Variants in FBN1 observed in about 807,000 individuals in gnomAD.
FBN1 encodes the protein fibrillin 1.
FBN1 carries 29 observed loss-of-function variants against 365.1 expected under a neutral mutation model. The ratio of observed to expected loss-of-function variants is 0.08; its 90% CI spans 0.06 to 0.11. The LOEUF is 0.11. FBN1 is among the 10% of genes least tolerant of loss of function. The pLI is 1.00. For missense variants in FBN1, 2,476 were observed against 3,703.2 expected (o/e 0.67, Z 8.60); for synonymous variants, 1,210 against 1,270.5 (o/e 0.95, Z 1.01).
intron 6 of FBN1, among the ~76,000 whole-genome samples, chr15:48,541,633 A>G (rs1178105762): frequency 6.6e-6 from 1 of 152,190 alleles, no homozygotes; most frequent in Non-Finnish European, 1.5e-5. Flanking sequence ...CCGCAGAAAG[A>G]AATCTGCCCA....
At chr15:48,494,343 G>A in intron 22 of FBN1, 89 bp from the exon 23 acceptor site, 1 of 965,736 alleles carries the variant, frequency 1.0e-6, no homozygotes, top group African/African-American at 1.6e-5. Flanking sequence ...TAAGAAACAT[G>A]AAAGATGACC....
intron 4 of FBN1, among the ~76,000 whole-genome samples, chr15:48,606,381 T>C (rs143250075): frequency 1.2e-4 from 19 of 152,318 alleles, no homozygotes; most frequent in Admixed American, 4.6e-4. Flanking sequence ...GGTACATCCA[T>C]AGCATGTACT....
At chr15:48,450,875 T>A (rs76351290) in intron 45 of FBN1, among the ~76,000 whole-genome samples, 1 of 150,238 alleles carries the variant, frequency 6.7e-6, no homozygotes, top group African/African-American at 2.5e-5. Flanking sequence ...AAAAAAAAAA[T>A]GCCAAGTATA....
In FBN1 at chr15:48,421,959, G is replaced by A; in HGVS notation, c.7563C>T (p.Ser2521=). The part of the protein sequence containing the change: ...CPPGFTQHHT[S]CIDNNECTSD... ...TTTTCCTCTCCTACTCACCAATGCA[G>A]GACGTATGGTGTTGGGTAAATCCGG... is the stretch of plus-strand genomic sequence containing the variant. Residue 2521 remains serine (S), a synonymous_variant, in exon 61 of 66, where the codon TCC becomes TCT. Transcript: ENST00000316623. 5.0e-6 allele frequency: 8 copies of A among 1,607,908 alleles called. No individual in the cohort carries two copies. The highest frequency in any genetic ancestry group is 6.8e-6 in the Non-Finnish European group (8 of 1,174,312).
Position 48,488,408 on chromosome 15 carries a change from G to A in FBN1, c.3168C>T (p.Asp1056=). 1 of 1,614,230 alleles carries A rather than the reference G, an allele frequency of 6.2e-7. No homozygotes were observed. The highest frequency in any genetic ancestry group is 8.5e-7 in the Non-Finnish European group (1 of 1,180,050). ...NTIGSFKCRC[D]SGFALDSEER... is the part of the protein sequence containing the mutation. ...CTTCAGAATCAAGAGCAAAGCCGCT[G>A]TCACACCTGCACTTAAAGCTGCCAA... is the stretch of plus-strand genomic sequence containing the variant. The change falls in exon 26 of 66, where the codon GAC becomes GAT. Residue 1056 remains aspartate, a synonymous_variant. Transcript: ENST00000316623.
At chr15:48,498,285 C>A (rs1379464623) in intron 18 of FBN1, among the ~76,000 whole-genome samples, 1 of 152,146 alleles carries the variant, frequency 6.6e-6, no homozygotes, top group Non-Finnish European at 1.5e-5. Context: ...ATATCCCCTC[C>A]ACATTTTCAT....
rs1271671982 is a variant in FBN1 at position 48,483,514 on chromosome 15, C to T, written c.3838+304G>A. Among the ~76,000 whole-genome samples, 9 of 152,092 alleles carry T rather than the reference C, an allele frequency of 5.9e-5. No homozygotes were observed. In the South Asian group the frequency reaches 1.9e-3, roughly 32 times the overall value. On this transcript the variant is annotated intron_variant, in intron 31 of 65. Coordinates refer to ENST00000316623, the MANE Select transcript of FBN1 (RefSeq NM_000138.5). ...GCCTTTAGTCAAGGATTTAAAAAGC[C>T]TACATGATAGTCAAAGCAGAAGGAG...
At chr15:48,424,679 T>A (rs182156894) in intron 60 of FBN1, among the ~76,000 whole-genome samples, 41 of 152,330 alleles carry the variant, frequency 2.7e-4, no homozygotes, top group African/African-American at 8.7e-4. Flanking sequence ...CTTCTCCAAA[T>A]CTCTGATTTC....
chr15:48,458,244 C>T (rs1260257525), intron 43 of FBN1, among the ~76,000 whole-genome samples: 1 of 152,190 alleles, frequency 6.6e-6, no homozygotes, highest in Non-Finnish European at 1.5e-5. Flanking sequence ...ACAAGAGCTG[C>T]TGCAATTTTA....
chr15:48,477,297 T>C (rs1451835851), intron 32 of FBN1, among the ~76,000 whole-genome samples: 1 of 152,242 alleles, frequency 6.6e-6, no homozygotes, highest in Admixed American at 6.5e-5. Context: ...TTTATGGCAA[T>C]GTTTTCAAGG....
chr15:48,471,391 C>G (rs1234912937), intron 35 of FBN1, among the ~76,000 whole-genome samples: 1 of 152,098 alleles, frequency 6.6e-6, no homozygotes, highest in African/African-American at 2.4e-5. Context: ...AACAAACAAA[C>G]AAACAAAACC....
chr15:48,452,162 A>C (rs2043205917), intron 45 of FBN1, among the ~76,000 whole-genome samples: 1 of 151,848 alleles, frequency 6.6e-6, no homozygotes, highest in South Asian at 2.1e-4. Flanking sequence ...GATGGTGAAA[A>C]CCTCACCTTT....
chr15:48,425,535 T>A, intron 59 of FBN1, 44 bp from the exon 60 acceptor site: 1 of 1,613,290 alleles, frequency 6.2e-7, no homozygotes, highest in Admixed American at 1.7e-5. Context: ...CTAAAAATGA[T>A]GTGTACACGC....
intron 5 of FBN1, 50 bp downstream of exon 5, chr15:48,600,089 G>T: frequency 1.5e-6 from 2 of 1,312,278 alleles, no homozygotes; most frequent in Non-Finnish European, 2.2e-6. Context: ...TATTCTACTT[G>T]TCTACAAACA....
chr15:48,459,986 T>C (rs1239039435), intron 43 of FBN1, among the ~76,000 whole-genome samples: 1 of 152,188 alleles, frequency 6.6e-6, no homozygotes, highest in Non-Finnish European at 1.5e-5. Context: ...ATGCCTAAGG[T>C]TGGTGTAACT....
rs1450879504 is a variant in FBN1, at chr15:48,461,943, A to C, written c.5224+1139T>G. Among the ~76,000 whole-genome samples the C allele has an allele frequency of 2.0e-5, 3 of 152,306 alleles. No individual in the cohort carries two copies. In the East Asian group the frequency reaches 5.8e-4, roughly 29 times the overall value. On this transcript the variant is annotated intron_variant, in intron 42 of 65. Transcript: ENST00000316623. Reference sequence around the variant, plus strand: ...CTTCTTAGCTTGCAGGCCATTCAAAAGTAGATGGTGGGACAGATTTGGCCC... The same window carrying C: ...CTTCTTAGCTTGCAGGCCATTCAAACGTAGATGGTGGGACAGATTTGGCCC...
rs534285430 is a variant in FBN1, at chr15:48,443,463, T to C, written c.6037+1078A>G. ...TATTCTGTTCAATTTAGCGAACTTA[T>C]GTATTGATAATAAAGCCAATTTTTA... is the stretch of plus-strand genomic sequence containing the variant. On this transcript the variant is annotated intron_variant, in intron 49 of 65. Coordinates refer to ENST00000316623, the MANE Select transcript of FBN1 (RefSeq NM_000138.5). 4.6e-4 allele frequency among the ~76,000 whole-genome samples: 70 copies of C among 152,310 alleles called. No individual in the cohort carries two copies. In the Middle Eastern group the frequency reaches 0.014, roughly 30 times the overall value.
chr15:48,481,680 G>C lies in FBN1; in HGVS notation c.3939C>G (p.Gly1313=), dbSNP rs1597558962. Residue 1313 remains glycine (G), a synonymous_variant, in exon 32 of 66, where the codon GGC becomes GGG. Transcript: ENST00000316623. The part of the protein sequence containing the change: ...FICHCDMGYS[G]KKGKTGCTDI... ...CTGTACAGCCAGTTTTTCCTTTTTT[G>C]CCGGAGTAGCCCATATCACAGTGGC... is the stretch of plus-strand genomic sequence containing the variant. The C allele has an allele frequency of 1.2e-6, 2 of 1,612,282 alleles. No individual in the cohort carries two copies. Among genetic ancestry groups the C allele is most frequent in the Non-Finnish European group, 1.7e-6 (2 of 1,179,308 alleles).
At chr15:48,630,731 C>CAAAAAAAAA (rs11393587) in intron 2 of FBN1, among the ~76,000 whole-genome samples, 5 of 111,054 alleles carry the variant, frequency 4.5e-5, no homozygotes, top group Admixed American at 1.1e-4. Flanking sequence ...GACTCCATCT[C>CAAAAAAAAA]AAAAAAAAAA....
Sources: gnomAD v4.1 joint callset for allele counts (sites outside exome capture counted in the v4.1 genomes callset) on GRCh38, gnomAD v4.1.1 for gene constraint, MANE v1.5 for transcripts, NCBI Gene and HGNC (gene_info 2026-07-23, HGNC 2026-07-21) for gene names.